The following SETD4 variants were observed in gnomAD, a reference collection of about 807,000 sequenced individuals.
SETD4 encodes the protein SET domain containing 4.
A neutral mutation model predicts 58.3 loss-of-function variants in SETD4; 46 were observed. That is an observed-to-expected ratio of 0.79 (90% CI 0.62 to 1.01). The LOEUF is 1.01. Among genes scored for constraint, SETD4 ranks in the 50% least tolerant of loss-of-function variants. The probability of loss-of-function intolerance (pLI) is 0.00; values close to 1 mark genes in which losing one functional copy is unlikely to be tolerated. For missense variants in SETD4, 490 were observed against 523.3 expected (o/e 0.94, Z 0.62); for synonymous variants, 190 against 202.6 (o/e 0.94, Z 0.53).
intron 8 of SETD4, among the ~76,000 whole-genome samples, chr21:36,041,520 T>G (rs112973220): frequency 2.2e-3 from 330 of 152,284 alleles, no homozygotes; most frequent in African/African-American, 7.2e-3. Context: ...GGAGACAGAC[T>G]CACCCTGGGC....
chr21:36,044,709 G>T (rs760828355), intron 6 of SETD4, among the ~76,000 whole-genome samples: 1 of 152,200 alleles, frequency 6.6e-6, no homozygotes, highest in Non-Finnish European at 1.5e-5. Flanking sequence ...ACCTCCCTAA[G>T]CTCTGATCTC....
At chr21:36,052,557 CAA>C (rs35631970) in intron 4 of SETD4, among the ~76,000 whole-genome samples, 8 of 50,326 alleles carry the variant, frequency 1.6e-4, no homozygotes, top group Non-Finnish European at 2.3e-4. Flanking sequence ...GACTCTGTCT[CAA>C]AAAAAAAAAA....
intron 6 of SETD4, 121 bp downstream of exon 6, chr21:36,045,461 G>A: frequency 8.0e-7 from 1 of 1,246,726 alleles, no homozygotes; most frequent in Middle Eastern, 2.8e-4. Flanking sequence ...CAACCTGACA[G>A]GGTCACCTGA....
intron 4 of SETD4, chr21:36,050,801 T>G: frequency 6.2e-7 from 1 of 1,611,642 alleles, no homozygotes; most frequent in Non-Finnish European, 8.5e-7. Flanking sequence ...TCCAGAAGTA[T>G]GTTAAAGAGT....
In SETD4 at chr21:36,043,853, T is replaced by C; in HGVS notation, c.830A>G (p.Asn277Ser). 6.2e-7 allele frequency: 1 copy of C among 1,614,202 alleles called. No homozygotes were observed. The highest frequency in any genetic ancestry group is 1.1e-5 in the South Asian group (1 of 91,086). ...TCCGTATTCCAGGAACAGCCGTTGATTATCGTGAGGGCCGTAACAGATGAA... is the reference window on the plus strand; with the variant it reads ...TCCGTATTCCAGGAACAGCCGTTGACTATCGTGAGGGCCGTAACAGATGAA... ...EVFICYGPHD[N>S]QRLFLEYGFV... The change falls in exon 7 of 12, where the codon AAT (asparagine) becomes AGT (serine). Residue 277 changes from asparagine (N) to serine (S), a missense_variant. By Grantham distance (46) the Asn-to-Ser change is conservative. Coordinates refer to ENST00000332131, the MANE Select transcript of SETD4 (RefSeq NM_017438.5).
At chr21:36,036,439 G>T in intron 10 of SETD4, 188 bp from the exon 11 acceptor site, 3 of 302,476 alleles carry the variant, frequency 9.9e-6, no homozygotes, top group Non-Finnish European at 1.5e-5. Flanking sequence ...AACTCTACAA[G>T]CATACATCAA....
rs2064281418 is a variant in SETD4 at position 36,045,600 on chromosome 21, A to G, written c.708T>C (p.Asn236=). ...CALAPYLDLL[N]HSPHVQVKAA... ...TTCTCACCTGGACATGTGGGCTATGATTCAGCAGGTCCAGGTACGGAGCGA... is the reference window on the plus strand; with the variant it reads ...TTCTCACCTGGACATGTGGGCTATGGTTCAGCAGGTCCAGGTACGGAGCGA... The change falls in exon 6 of 12, where the codon AAT becomes AAC. Residue 236 remains asparagine (N), a synonymous_variant. Transcript: ENST00000332131. 1 of 1,613,760 alleles carries G rather than the reference A, an allele frequency of 6.2e-7. No homozygotes were observed. The highest frequency in any genetic ancestry group is 8.5e-7 in the Non-Finnish European group (1 of 1,179,844).
intron 5 of SETD4, 51 bp downstream of exon 5, chr21:36,048,257 G>A (rs1395937595): frequency 6.9e-7 from 1 of 1,453,302 alleles, no homozygotes; most frequent in Admixed American, 1.7e-5. Flanking sequence ...GCCATTGACA[G>A]ACCTTAAGGA....
In SETD4 at chr21:36,045,719, G is replaced by C. The variant is rs779495034; in HGVS notation, c.589C>G (p.Leu197Val). The change falls in exon 6 of 12, where the codon CTG becomes GTG. Residue 197 changes from leucine to valine, a missense_variant. Coordinates refer to ENST00000332131, the MANE Select transcript of SETD4 (RefSeq NM_017438.5). Reference sequence around the variant, plus strand: ...TTGACGGTGCACCAAGCCCACAGCAGGGCACTGTAGCTGAAGATGCTGTCA... The same window carrying C: ...TTGACGGTGCACCAAGCCCACAGCACGGCACTGTAGCTGAAGATGCTGTCA... ...AVDSIFSYSA[L>V]LWAWCTVNTR... 1 of 1,614,208 alleles carries C rather than the reference G, an allele frequency of 6.2e-7. No homozygotes were observed. The highest frequency in any genetic ancestry group is 1.1e-5 in the South Asian group (1 of 91,084).
intron 6 of SETD4, among the ~76,000 whole-genome samples, chr21:36,044,444 T>TA (rs1229082502): frequency 2.6e-5 from 4 of 152,222 alleles, no homozygotes; most frequent in Non-Finnish European, 4.4e-5. Flanking sequence ...GTGGTCTTCC[T>TA]ACAGTAAACT....
rs79321328 is a variant in SETD4, at chr21:36,050,129, A to G, written c.208-1733T>C. ...GTGCTCAGGACTCTTGCAGACCTCT[A>G]TATCTGGCTGTTCATCTTCCATAAT... On this transcript the variant is annotated intron_variant, in intron 4 of 11. Transcript: ENST00000332131. The G allele has an allele frequency of 4.1e-4, 316 of 776,230 alleles. No homozygotes were observed. The East Asian group carries it at 6.7e-3, about 16-fold the overall frequency. 48.1% of individuals were successfully genotyped at this position (776,230 alleles called of 1,614,324 possible).
At chr21:36,053,477 A>T (rs2064817865) in intron 4 of SETD4, 106 bp downstream of exon 4, 11 of 1,100,738 alleles carry the variant, frequency 1.0e-5, no homozygotes, top group Non-Finnish European at 1.4e-5. Flanking sequence ...TAGGTAAGTA[A>T]GAAATGACTG....
At chr21:36,059,771 T>G (rs1019985339) in intron 1 of SETD4, 1 of 985,294 alleles carries the variant, frequency 1.0e-6, no homozygotes, top group African/African-American at 1.7e-5. Context: ...AGACAAGAAC[T>G]CCAGGCAATA....
chr21:36,048,978 T>C (rs542763713), intron 4 of SETD4, among the ~76,000 whole-genome samples: 36 of 152,242 alleles, frequency 2.4e-4, no homozygotes, highest in African/African-American at 8.7e-4. Flanking sequence ...AGACAGAAAC[T>C]ACCCCCAAAA....
chr21:36,040,475 G>T, intron 9 of SETD4, 100 bp downstream of exon 9: 1 of 930,928 alleles, frequency 1.1e-6, no homozygotes, highest in Non-Finnish European at 1.7e-6. Context: ...TTTCCTCCCT[G>T]GCTGGGTATC....
chr21:36,044,732 C>G (rs1269455033), intron 6 of SETD4, among the ~76,000 whole-genome samples: 1 of 152,220 alleles, frequency 6.6e-6, no homozygotes, highest in Admixed American at 6.5e-5. Flanking sequence ...GTAGAGAGCA[C>G]GAAAGCTTAG....
chr21:36,040,497 CA>C, intron 9 of SETD4, 77 bp downstream of exon 9: 3 of 1,309,574 alleles, frequency 2.3e-6, no homozygotes, highest in Non-Finnish European at 3.3e-6. Flanking sequence ...GAATGCAAGC[CA>C]AAAACAAACA....
chr21:36,057,454 G>A, intron 2 of SETD4: 2 of 643,674 alleles, frequency 3.1e-6, no homozygotes, highest in Non-Finnish European at 5.7e-6. Context: ...AGCCCAGCCT[G>A]CCCAACACAG....
intron 3 of SETD4, among the ~76,000 whole-genome samples, chr21:36,054,029 A>G (rs1228442848): frequency 1.3e-5 from 2 of 152,116 alleles, no homozygotes; most frequent in South Asian, 4.2e-4. Flanking sequence ...AGCTCTCCCA[A>G]GTGAAGACCT....
Sources: allele counts gnomAD v4.1 joint callset (sites outside exome capture counted in the v4.1 genomes callset), GRCh38; gene constraint gnomAD v4.1.1; transcripts MANE v1.5; gene names NCBI Gene and HGNC (gene_info 2026-07-23, HGNC 2026-07-21).